CYRIB: variants seen among roughly 807,000 people sequenced by gnomAD.
The protein encoded by CYRIB is CYFIP-related Rac1 interactor B.
Under a neutral mutation model 44.2 loss-of-function variants are expected in CYRIB, and 8 were observed. That is an observed-to-expected ratio of 0.18 (90% CI 0.11 to 0.33). The LOEUF (loss-of-function observed/expected upper bound fraction) is 0.33, where lower values mean the gene tolerates loss of function less well. CYRIB is among the 10% of genes least tolerant of loss of function. The probability of loss-of-function intolerance (pLI) is 1.00; values close to 1 mark genes in which losing one functional copy is unlikely to be tolerated. For synonymous variants in CYRIB, 131 were observed against 127.2 expected (o/e 1.03, Z -0.20); for missense variants, 185 against 382.8 (o/e 0.48, Z 4.31).
intron 2 of CYRIB, among the ~76,000 whole-genome samples, chr8:129,898,546 T>C (rs1305171474): frequency 6.6e-6 from 1 of 152,236 alleles, no homozygotes; most frequent in Non-Finnish European, 1.5e-5. Context: ...TTGAGCCTTG[T>C]ACACTAACGG....
At chr8:129,847,838 G>A (rs553302737) in intron 10 of CYRIB, among the ~76,000 whole-genome samples, 2 of 152,248 alleles carry the variant, frequency 1.3e-5, no homozygotes, top group African/African-American at 4.8e-5. Context: ...GTCTCGCTCT[G>A]TCACCCAGGC....
intron 8 of CYRIB, 145 bp downstream of exon 10, chr8:129,852,017 C>T: frequency 2.3e-6 from 1 of 438,344 alleles, no homozygotes; most frequent in East Asian, 3.5e-5. Context: ...CACATGTGGG[C>T]CTCAGAAAAA....
chr8:129,892,399 T>C (rs968448256), intron 2 of CYRIB, among the ~76,000 whole-genome samples: 1 of 152,212 alleles, frequency 6.6e-6, no homozygotes, highest in African/African-American at 2.4e-5. Flanking sequence ...AAATGAATTT[T>C]ATTTCATGTC....
intron 1 of CYRIB, among the ~76,000 whole-genome samples, chr8:129,925,820 C>G (rs574430131): frequency 6.6e-6 from 1 of 152,198 alleles, no homozygotes; most frequent in Non-Finnish European, 1.5e-5. Flanking sequence ...CTATAAAGCC[C>G]TTCTATCTTT....
intron 1 of CYRIB, among the ~76,000 whole-genome samples, chr8:129,978,900 C>T (rs2096077798): frequency 1.3e-5 from 2 of 152,156 alleles, no homozygotes; most frequent in Admixed American, 1.3e-4. Flanking sequence ...CTTTGGGAGG[C>T]CAAGGCGGGC....
chr8:129,919,283 T>A (rs1243605131), intron 1 of CYRIB, among the ~76,000 whole-genome samples: 4 of 152,246 alleles, frequency 2.6e-5, no homozygotes, highest in Non-Finnish European at 5.9e-5. Flanking sequence ...TTACCGCATG[T>A]CTTGGTAGCA....
At chr8:129,925,464 T>C (rs2087000782) in intron 1 of CYRIB, among the ~76,000 whole-genome samples, 1 of 152,204 alleles carries the variant, frequency 6.6e-6, no homozygotes, top group Admixed American at 6.5e-5. Context: ...CAGGGGTTCC[T>C]TGAAAGTTGG....
upstream of CYRIB, among the ~76,000 whole-genome samples, chr8:129,941,353 A>T (rs1229028152): frequency 2.1e-5 from 3 of 144,250 alleles, no homozygotes; most frequent in East Asian, 6.2e-4. Flanking sequence ...GGCTCACTGC[A>T]ACTTCCACCT....
At chr8:129,905,021 T>C (rs889823952) in intron 1 of CYRIB, among the ~76,000 whole-genome samples, 1 of 152,172 alleles carries the variant, frequency 6.6e-6, no homozygotes, top group East Asian at 1.9e-4. Context: ...AAACAGATTT[T>C]AGACATTAGC....
chr8:129,932,934 G>T (rs567272090), intron 1 of CYRIB, among the ~76,000 whole-genome samples: 11 of 152,160 alleles, frequency 7.2e-5, no homozygotes, highest in Non-Finnish European at 1.5e-4. Context: ...GCAGTGAGAA[G>T]TGAGGCTGAA....
chr8:129,846,905 C>T (rs754135339), intron 10 of CYRIB, 31 bp from the exon 13 acceptor site: 3 of 1,411,684 alleles, frequency 2.1e-6, no homozygotes, highest in South Asian at 2.5e-5. Context: ...AAAGGTAAAA[C>T]AGCCATTTTT....
At chr8:129,969,769 T>TA (rs1193991539) in intron 2 of CYRIB, among the ~76,000 whole-genome samples, 1 of 152,132 alleles carries the variant, frequency 6.6e-6, no homozygotes, top group Non-Finnish European at 1.5e-5. Context: ...ATGAGAAACA[T>TA]ATTTGGTGGC....
intron 2 of CYRIB, among the ~76,000 whole-genome samples, chr8:129,958,921 C>T (rs117784140): frequency 0.063 from 9,492 of 151,686 alleles, 400 homozygotes; most frequent in South Asian, 0.2. Context: ...AAAAATTAGC[C>T]GGCTGTGATG....
intron 2 of CYRIB, among the ~76,000 whole-genome samples, chr8:129,889,512 T>C (rs2064187487): frequency 6.6e-6 from 1 of 152,168 alleles, no homozygotes; most frequent in Non-Finnish European, 1.5e-5. Flanking sequence ...CTGGAAAGGA[T>C]TCACCATTCT....
intron 2 of CYRIB, among the ~76,000 whole-genome samples, chr8:129,946,481 G>C (rs2094149513): frequency 6.6e-6 from 1 of 152,146 alleles, no homozygotes; most frequent in South Asian, 2.1e-4. Context: ...GGACTCCATG[G>C]ATATTTAACG....
intron 1 of CYRIB, among the ~76,000 whole-genome samples, chr8:129,923,272 T>TTATG (rs1042105608): frequency 5.7e-5 from 7 of 123,262 alleles, no homozygotes; most frequent in East Asian, 2.4e-4. Context: ...AAGTCTACAT[T>TTATG]TATGTATGTA....
intron 1 of CYRIB, among the ~76,000 whole-genome samples, chr8:129,910,258 T>C (rs1377075337): frequency 6.6e-6 from 1 of 152,236 alleles, no homozygotes; most frequent in Non-Finnish European, 1.5e-5. Context: ...CCCACAGGTG[T>C]GGCACCCCTT....
intron 2 of CYRIB, among the ~76,000 whole-genome samples, chr8:129,897,966 A>G (rs528721230): frequency 1.8e-4 from 27 of 151,630 alleles, no homozygotes; most frequent in African/African-American, 6.3e-4. Flanking sequence ...GGGTTTCGCC[A>G]TGTTGGCCAG....
chr8:129,915,971 A>G (rs986275282), intron 1 of CYRIB, among the ~76,000 whole-genome samples: 2 of 152,234 alleles, frequency 1.3e-5, no homozygotes, highest in Admixed American at 6.5e-5. Context: ...AAATAGTTCA[A>G]TAAAAGAAAA....
Sources: gnomAD v4.1 joint callset for allele counts (sites outside exome capture counted in the v4.1 genomes callset) on GRCh38, gnomAD v4.1.1 for gene constraint, MANE v1.5 for transcripts, NCBI Gene and HGNC (gene_info 2026-07-23, HGNC 2026-07-21) for gene names.